The following SLC25A21 variants were observed in gnomAD, a reference collection of about 807,000 sequenced individuals.
The protein encoded by SLC25A21 is solute carrier family 25 member 21.
Under a neutral mutation model 43.8 loss-of-function variants are expected in SLC25A21, and 47 were observed. The ratio of observed to expected loss-of-function variants is 1.07; its 90% CI spans 0.85 to 1.37. The LOEUF is 1.37. Among genes scored for constraint, SLC25A21 ranks in the 40% most tolerant of loss-of-function variants. The pLI is 0.00. For synonymous variants in SLC25A21, 131 were observed against 121.3 expected, an observed-to-expected ratio of 1.08 and a Z score of -0.52; for missense variants, 352 against 350.2, an observed-to-expected ratio of 1.00 and a Z score of -0.04.
intron 1 of SLC25A21, among the ~76,000 whole-genome samples, chr14:36,939,302 CA>C (rs975367495): frequency 2.0e-5 from 3 of 151,410 alleles, no homozygotes; most frequent in African/African-American, 7.3e-5. Context: ...AAGCTGGAGC[CA>C]GGGGTGGGGG....
intron 1 of SLC25A21, among the ~76,000 whole-genome samples, chr14:37,007,528 G>C (rs1321957445): frequency 6.6e-6 from 1 of 151,678 alleles, no homozygotes; most frequent in African/African-American, 2.4e-5. Flanking sequence ...GCTTGAACCA[G>C]GGAGTTGGAG....
At position 36,853,349 on chromosome 14, in the gene SLC25A21, C is replaced by CTACTGCAATTTGTCAACCTCTT. The variant is rs1328184262; in HGVS notation, c.119+21585_119+21606dup. On this transcript the variant is annotated intron_variant, in intron 2 of 9. Transcript: ENST00000331299. ...GAACGCTTCTCATCATAACACTACACTACTGCAATTTGTCAACCTCTTATA... is the reference window on the plus strand; with the variant it reads ...GAACGCTTCTCATCATAACACTACACTACTGCAATTTGTCAACCTCTTTACTGCAATTTGTCAACCTCTTATA... Among the ~76,000 whole-genome samples the CTACTGCAATTTGTCAACCTCTT allele has an allele frequency of 2.0e-5, 3 of 152,346 alleles. No homozygotes were observed. In the East Asian group the frequency reaches 5.8e-4, roughly 29 times the overall value.
At chr14:37,037,252 G>A (rs998750563) in intron 1 of SLC25A21, among the ~76,000 whole-genome samples, 2 of 152,098 alleles carry the variant, frequency 1.3e-5, no homozygotes, top group South Asian at 2.1e-4. Flanking sequence ...CCCCTTCCTC[G>A]GCAGAATTTC....
At chr14:37,064,411 CTT>C (rs891196341) in intron 1 of SLC25A21, among the ~76,000 whole-genome samples, 5 of 151,964 alleles carry the variant, frequency 3.3e-5, no homozygotes, top group African/African-American at 9.7e-5. Flanking sequence ...GATAAATTCT[CTT>C]GTCTCTCTCT....
In SLC25A21 at chr14:36,977,954, TAAA is replaced by T. The variant is rs36000189; in HGVS notation, c.71-102953_71-102951del. Among the ~76,000 whole-genome samples, 573 of 121,094 alleles carry T rather than the reference TAAA, an allele frequency of 4.7e-3. 5 individuals are homozygous for T. Among genetic ancestry groups the T allele is most frequent in the African/African-American group, 0.015 (519 of 35,072 alleles). The allele number at this position is 121,094 out of a possible 152,430, so 79.4% of individuals were successfully genotyped here. ...TGATTACAAAGCTTTTTTTTTTTTT[TAAA>T]AAAAAAAAAAGACAATTAGTTTGAA... On this transcript the variant is annotated intron_variant, in intron 1 of 9. Coordinates refer to ENST00000331299, the MANE Select transcript of SLC25A21 (RefSeq NM_030631.4).
chr14:37,091,261 C>T (rs1211090121), intron 1 of SLC25A21, among the ~76,000 whole-genome samples: 1 of 151,966 alleles, frequency 6.6e-6, no homozygotes, highest in African/African-American at 2.4e-5. Flanking sequence ...GGTGAAACAC[C>T]ATCTCTACTA....
At chr14:36,756,829 A>G (rs548980770) in intron 3 of SLC25A21, among the ~76,000 whole-genome samples, 16 of 152,356 alleles carry the variant, frequency 1.1e-4, no homozygotes, top group Middle Eastern at 3.4e-3. Context: ...AAGGATGGAA[A>G]GTGTGAAATA....
intron 1 of SLC25A21, among the ~76,000 whole-genome samples, chr14:37,013,342 C>T (rs1003938503): frequency 6.6e-6 from 1 of 152,148 alleles, no homozygotes; most frequent in African/African-American, 2.4e-5. Context: ...GAACAGGATA[C>T]ACATGGCTAT....
chr14:36,729,300 CATT>C (rs1884725879), intron 5 of SLC25A21, among the ~76,000 whole-genome samples: 1 of 152,132 alleles, frequency 6.6e-6, no homozygotes, highest in African/African-American at 2.4e-5. Flanking sequence ...CCAGACATAT[CATT>C]ATTATCATAA....
chr14:37,027,743 A>G (rs1253690920), intron 1 of SLC25A21, among the ~76,000 whole-genome samples: 1 of 152,226 alleles, frequency 6.6e-6, no homozygotes, highest in Non-Finnish European at 1.5e-5. Flanking sequence ...AAATGAAAAC[A>G]GCTGTTTGGC....
At chr14:36,935,754 T>C (rs1892407534) in intron 1 of SLC25A21, among the ~76,000 whole-genome samples, 2 of 152,156 alleles carry the variant, frequency 1.3e-5, no homozygotes, top group South Asian at 2.1e-4. Context: ...TTGTTGTTTA[T>C]ATCTAATTCT....
intron 6 of SLC25A21, among the ~76,000 whole-genome samples, chr14:36,723,962 A>G (rs1002285849): frequency 7.2e-5 from 11 of 152,048 alleles, no homozygotes; most frequent in African/African-American, 2.4e-4. Context: ...GATCTCTGCA[A>G]TTTTCTTCTA....
chr14:36,852,154 T>C (rs1889760455), intron 2 of SLC25A21, among the ~76,000 whole-genome samples: 1 of 152,202 alleles, frequency 6.6e-6, no homozygotes, highest in Admixed American at 6.5e-5. Flanking sequence ...TATGTATCAT[T>C]TTCTTTATTG....
intron 3 of SLC25A21, among the ~76,000 whole-genome samples, chr14:36,794,760 C>T (rs1594594498): frequency 2.1e-5 from 3 of 141,240 alleles, no homozygotes; most frequent in African/African-American, 8.0e-5. Context: ...CAGAGCAAGA[C>T]TCCATTTAAA....
At chr14:36,841,320 A>G (rs1889377828) in intron 2 of SLC25A21, among the ~76,000 whole-genome samples, 2 of 152,248 alleles carry the variant, frequency 1.3e-5, no homozygotes, top group South Asian at 4.1e-4. Context: ...TTCCAATTCT[A>G]TAAGAATTGC....
At chr14:37,004,239 G>A (rs2138728923) in intron 1 of SLC25A21, among the ~76,000 whole-genome samples, 1 of 152,200 alleles carries the variant, frequency 6.6e-6, no homozygotes, top group African/African-American at 2.4e-5. Context: ...TTTTCCAAAA[G>A]CAACCTGCAG....
chr14:37,119,834 A>G (rs1963174224), intron 1 of SLC25A21, among the ~76,000 whole-genome samples: 1 of 152,192 alleles, frequency 6.6e-6, no homozygotes, highest in Non-Finnish European at 1.5e-5. Context: ...TATGTAATAC[A>G]GCATCAACTA....
At chr14:36,822,744 G>A (rs377320678) in intron 2 of SLC25A21, among the ~76,000 whole-genome samples, 1 of 152,182 alleles carries the variant, frequency 6.6e-6, no homozygotes, top group Non-Finnish European at 1.5e-5. Flanking sequence ...AACCCTGATA[G>A]CCTGAATATA....
chr14:36,793,264 T>G lies in SLC25A21; in HGVS notation c.203+20654A>C, dbSNP rs558896885. ...TAATTTGAAATCTCCCAATCAGCTATTTATTGAGAGAAAACAGAAATGGGA... is the reference window on the plus strand; with the variant it reads ...TAATTTGAAATCTCCCAATCAGCTAGTTATTGAGAGAAAACAGAAATGGGA... On this transcript the variant is annotated intron_variant, in intron 3 of 9. Transcript: ENST00000331299. Among the ~76,000 whole-genome samples, 10 of 152,244 alleles carry G rather than the reference T, an allele frequency of 6.6e-5. No homozygotes were observed. In the South Asian group the frequency reaches 1.9e-3, roughly 28 times the overall value.
Sources: allele counts gnomAD v4.1 joint callset (sites outside exome capture counted in the v4.1 genomes callset), GRCh38; gene constraint gnomAD v4.1.1; transcripts MANE v1.5; gene names NCBI Gene and HGNC (gene_info 2026-07-23, HGNC 2026-07-21).